The following NCR1 variants were observed in gnomAD, a reference collection of about 807,000 sequenced individuals.
The protein encoded by NCR1 is NK cell-activating receptor.
In NCR1, 30 loss-of-function variants were observed where a neutral mutation model predicts 32.5. The ratio of observed to expected loss-of-function variants is 0.92; its 90% confidence interval spans 0.69 to 1.25. NCR1 has a LOEUF of 1.25. Among genes scored for constraint, NCR1 ranks in the 50% most tolerant of loss-of-function variants. The pLI is 0.00. For missense variants in NCR1, 369 were observed against 380.7 expected (o/e 0.97, Z 0.26); for synonymous variants, 169 against 143.4 (o/e 1.18, Z -1.28).
upstream of NCR1, among the ~76,000 whole-genome samples, chr19:54,904,587 C>T (rs1258172663): frequency 1.1e-4 from 16 of 142,798 alleles, no homozygotes; most frequent in Non-Finnish European, 1.5e-5. Context: ...GGCTGGAGTA[C>T]AATGGCACCA....
At chr19:54,923,880 G>A in the NCR1 span, 1 of 1,612,196 alleles carries the variant, frequency 6.2e-7, no homozygotes, top group Non-Finnish European at 8.5e-7. Flanking sequence ...AACCTGGAGG[G>A]ATCAGAGAAC....
At chr19:54,936,724 G>A in the NCR1 span, among the ~76,000 whole-genome samples, 1 of 152,124 alleles carries the variant, frequency 6.6e-6, no homozygotes, top group South Asian at 2.1e-4. Context: ...AGACCAGCCT[G>A]GCCAACATGG....
intron 3 of NCR1, among the ~76,000 whole-genome samples, chr19:54,908,405 A>T (rs1001884016): frequency 2.0e-5 from 3 of 151,608 alleles, no homozygotes; most frequent in South Asian, 2.1e-4. Context: ...CAGACACAGT[A>T]ACAATCTGAT....
the NCR1 span, chr19:54,936,560 G>C: frequency 8.7e-6 from 7 of 807,638 alleles, no homozygotes; most frequent in Admixed American, 1.2e-4. Flanking sequence ...AGTGGCTCGT[G>C]TCTGTAACCC....
intron 5 of NCR1, among the ~76,000 whole-genome samples, chr19:54,910,554 A>G (rs1251656543): frequency 6.6e-6 from 1 of 152,064 alleles, no homozygotes; most frequent in Non-Finnish European, 1.5e-5. Context: ...ACTGCACGAC[A>G]CAGCGAGACT....
At chr19:54,935,846 C>A in the NCR1 span, among the ~76,000 whole-genome samples, 17 of 152,118 alleles carry the variant, frequency 1.1e-4, no homozygotes, top group African/African-American at 3.9e-4. Context: ...CAGGCACCAA[C>A]GATTAGCTCC....
chr19:54,908,790 C>T (rs1321135821), intron 3 of NCR1, among the ~76,000 whole-genome samples: 2 of 151,718 alleles, frequency 1.3e-5, no homozygotes, highest in East Asian at 1.9e-4. Context: ...CCACCACACC[C>T]GGCTAATTTT....
the NCR1 span, among the ~76,000 whole-genome samples, chr19:54,899,383 G>T: frequency 2.2e-4 from 34 of 152,070 alleles, no homozygotes; most frequent in East Asian, 1.5e-3. Context: ...AGGGTGGAAG[G>T]TTGCCCATAC....
At chr19:54,905,517 C>T (rs2067531416), upstream of NCR1, among the ~76,000 whole-genome samples, 1 of 152,100 alleles carries the variant, frequency 6.6e-6, no homozygotes, top group South Asian at 2.1e-4. Context: ...GGCAGTTATT[C>T]AATTGAGACA....
Position 54,909,291 on chromosome 19 carries a change from G to A in NCR1, c.402G>A (p.Val134=). The A allele has an allele frequency of 6.2e-7, 1 of 1,614,126 alleles. No individual in the cohort carries two copies. Among genetic ancestry groups the A allele is most frequent in the Non-Finnish European group, 8.5e-7 (1 of 1,180,012 alleles). The change falls in exon 4 of 7, where the codon GTG becomes GTA. Residue 134 remains valine (V), a synonymous_variant. Coordinates refer to ENST00000291890, the MANE Select transcript of NCR1 (RefSeq NM_004829.7). ...TCTCGGTTCATCCTGGACCCGAAGT[G>A]ATCTCGGGAGAGAAGGTGACCTTCT... ...PTLSVHPGPE[V]ISGEKVTFYC... is the part of the protein sequence containing the mutation.
the NCR1 span, chr19:54,923,987 G>T: frequency 3.5e-6 from 4 of 1,157,300 alleles, no homozygotes. Context: ...ATTTTCTGGG[G>T]GACAGGGTCT....
At chr19:54,927,579 A>T in the NCR1 span, 1 of 1,610,842 alleles carries the variant, frequency 6.2e-7, no homozygotes, top group South Asian at 1.1e-5. Context: ...CAAAAAACAA[A>T]ACAAAACAAA....
At chr19:54,903,259 C>T (rs1353168474), upstream of NCR1, among the ~76,000 whole-genome samples, 1 of 148,776 alleles carries the variant, frequency 6.7e-6, no homozygotes, top group African/African-American at 2.5e-5. Context: ...TACATAGTAC[C>T]TTACATGTAT....
chr19:54,933,682 A>T, the NCR1 span: 4 of 1,614,208 alleles, frequency 2.5e-6, no homozygotes, highest in Non-Finnish European at 3.4e-6. Flanking sequence ...TCTTGCTGAC[A>T]ACCAAGACAG....
chr19:54,902,743 C>T (rs1040650926), upstream of NCR1, among the ~76,000 whole-genome samples: 5 of 152,090 alleles, frequency 3.3e-5, no homozygotes, highest in African/African-American at 1.2e-4. Flanking sequence ...GGCATCCAAG[C>T]GCTCCGTAGG....
intron 3 of NCR1, among the ~76,000 whole-genome samples, chr19:54,908,421 T>C (rs1409006165): frequency 7.4e-6 from 1 of 135,472 alleles, no homozygotes; most frequent in Non-Finnish European, 1.6e-5. Context: ...CTGATCTCTC[T>C]TTCTTTTCCC....
chr19:54,935,668 G>A, the NCR1 span, among the ~76,000 whole-genome samples: 3 of 150,644 alleles, frequency 2.0e-5, no homozygotes, highest in Non-Finnish European at 4.4e-5. Context: ...CTCCAGCCTG[G>A]GTGACAAGAA....
At chr19:54,922,706 G>A in the NCR1 span, among the ~76,000 whole-genome samples, 5 of 149,400 alleles carry the variant, frequency 3.3e-5, no homozygotes, top group Admixed American at 1.4e-4. Flanking sequence ...TTGAACCTGG[G>A]AGGCGCGGTT....
rs1429382098 is a variant in NCR1 at position 54,909,453 on chromosome 19, C to A, written c.564C>A (p.Tyr188Ter). The A allele has an allele frequency of 1.2e-6, 2 of 1,612,472 alleles. No homozygotes were observed. Among genetic ancestry groups the A allele is most frequent in the Admixed American group, 1.7e-5 (1 of 59,996 alleles). Residue 188 changes from tyrosine to a stop codon, truncating the protein, a stop_gained, in exon 4 of 7, where the codon TAC becomes TAA. Coordinates refer to ENST00000291890, the MANE Select transcript of NCR1 (RefSeq NM_004829.7). LOFTEE classifies it high-confidence loss of function. ...GPVTTAHRGTYRCFGSYNNHA... is the reference protein window; with the variant it reads ...GPVTTAHRGT ...TGACCACAGCCCACAGAGGGACATA[C>A]CGATGTTTTGGCTCCTATAACAACC... is the stretch of plus-strand genomic sequence containing the variant.
Sources: gnomAD v4.1 joint callset for allele counts (sites outside exome capture counted in the v4.1 genomes callset) on GRCh38, gnomAD v4.1.1 for gene constraint, MANE v1.5 for transcripts, NCBI Gene and HGNC (gene_info 2026-07-23, HGNC 2026-07-21) for gene names.